SPARCL1: variants seen among roughly 807,000 people sequenced by gnomAD.
SPARCL1 encodes SPARC-like protein 1.
In SPARCL1, 52 loss-of-function variants were observed where a neutral mutation model predicts 67.1. That is an observed-to-expected ratio of 0.78 (90% CI 0.62 to 0.98). The LOEUF is 0.98. Ranked by LOEUF, SPARCL1 falls within the 50% of genes least tolerant of loss-of-function variation. The pLI is 0.00. For missense variants in SPARCL1, 717 were observed against 782.4 expected (o/e 0.92, Z 1.00); for synonymous variants, 226 against 267.8 (o/e 0.84, Z 1.52).
chr4:87,500,774 ACACACACGTACGCGCG>A (rs1215458475), intron 1 of SPARCL1, among the ~76,000 whole-genome samples: 1 of 152,028 alleles, frequency 6.6e-6, no homozygotes, highest in African/African-American at 2.4e-5. Flanking sequence ...CTATCACTTC[ACACACACGTACGCGCG>A]CACGCACATA....
Position 87,494,016 on chromosome 4 carries a change from C to G in SPARCL1, c.784G>C (p.Asp262His). The G allele has an allele frequency of 6.2e-7, 1 of 1,614,140 alleles. No individual in the cohort carries two copies. Among genetic ancestry groups the G allele is most frequent in the South Asian group, 1.1e-5 (1 of 91,068 alleles). Residue 262 changes from aspartate (D) to histidine (H), a missense_variant, in exon 4 of 11, where the codon GAT (aspartate) becomes CAT (histidine). Coordinates refer to ENST00000282470, the MANE Select transcript of SPARCL1 (RefSeq NM_004684.6). ...QVSKMQEDEF[D>H]QGNQEQEDNS... ...TCTTCTTGTTCTTGGTTACCCTGAT[C>G]AAATTCATCCTCCTGCATCTTGCTT...
chr4:87,474,651 C>A (rs1257211741), intron 10 of SPARCL1, among the ~76,000 whole-genome samples: 1 of 151,994 alleles, frequency 6.6e-6, no homozygotes, highest in Non-Finnish European at 1.5e-5. Flanking sequence ...TTTTACTAGA[C>A]CCTTCCATTA....
At position 87,473,724 on chromosome 4, in the gene SPARCL1, TG is replaced by T; in HGVS notation, c.*50del. On this transcript the variant is annotated 3_prime_UTR_variant, in exon 11 of 11. Coordinates refer to ENST00000282470, the MANE Select transcript of SPARCL1 (RefSeq NM_004684.6). ...ATCACAGCTGCATATATTTCTGAAG[TG>T]GTTAGAACAGAGGAGGATGCTGGAA... is the stretch of plus-strand genomic sequence containing the variant. 1.5e-6 allele frequency: 2 copies of T among 1,369,830 alleles called. No individual in the cohort carries two copies. The highest frequency in any genetic ancestry group is 2.0e-6 in the Non-Finnish European group (2 of 985,300). The allele number at this position is 1,369,830 out of a possible 1,614,324, so 84.9% of individuals were successfully genotyped here.
intron 5 of SPARCL1, among the ~76,000 whole-genome samples, chr4:87,491,217 G>A (rs2110225113): frequency 6.6e-6 from 1 of 152,100 alleles, no homozygotes; most frequent in South Asian, 2.1e-4. Flanking sequence ...TGTGCAAGCT[G>A]GTCAGAAGTG....
At chr4:87,484,006 C>A (rs887034025) in intron 7 of SPARCL1, among the ~76,000 whole-genome samples, 2 of 152,042 alleles carry the variant, frequency 1.3e-5, no homozygotes, top group Non-Finnish European at 2.9e-5. Context: ...TGACAGATTG[C>A]AAAAATTTTC....
intron 1 of SPARCL1, chr4:87,528,687 A>G (rs1297188036): frequency 6.6e-6 from 1 of 152,140 alleles, no homozygotes; most frequent in South Asian, 2.1e-4. Flanking sequence ...TACCTTCTTT[A>G]TAGTTTATTT....
Position 87,493,850 on chromosome 4 carries a change from G to A in SPARCL1, c.950C>T (p.Ser317Phe). The change falls in exon 4 of 11, where the codon TCT becomes TTT. Residue 317 changes from serine (S) to phenylalanine (F), a missense_variant. By Grantham distance (155) the Ser-to-Phe change is radical (BLOSUM62 -2). Coordinates refer to ENST00000282470, the MANE Select transcript of SPARCL1 (RefSeq NM_004684.6). ...AGTAGGTTCCATGAGCAGAGCCTCA[G>A]AAACAGTCTTTTCTTCTGTCTCTTT... is the stretch of plus-strand genomic sequence containing the variant. ...NHKETEEKTV[S>F]EALLMEPTDD... 5 of 1,614,136 alleles carry A rather than the reference G, an allele frequency of 3.1e-6. No individual in the cohort carries two copies. The highest frequency in any genetic ancestry group is 4.2e-6 in the Non-Finnish European group (5 of 1,180,026).
chr4:87,511,965 C>CTTTT (rs1560827173), intron 1 of SPARCL1, among the ~76,000 whole-genome samples: 1 of 82,032 alleles, frequency 1.2e-5, no homozygotes, highest in Non-Finnish European at 2.3e-5. Context: ...CTCTTTCTTT[C>CTTTT]TCTTTTTTTT....
intron 2 of SPARCL1, among the ~76,000 whole-genome samples, chr4:87,497,608 A>G (rs1724674177): frequency 1.3e-5 from 2 of 152,240 alleles, no homozygotes; most frequent in African/African-American, 4.8e-5. Context: ...AGGCAGGGAA[A>G]ATTATACAAA....
intron 1 of SPARCL1, among the ~76,000 whole-genome samples, chr4:87,510,298 G>A (rs1339735862): frequency 6.6e-6 from 1 of 152,216 alleles, no homozygotes; most frequent in East Asian, 1.9e-4. Context: ...GAAACTGTAG[G>A]CATACAGGGG....
chr4:87,473,855 T>C (rs769870881), intron 10 of SPARCL1, 52 bp from the exon 11 acceptor site: 2 of 1,261,688 alleles, frequency 1.6e-6, no homozygotes, highest in South Asian at 2.4e-5. Flanking sequence ...GCCAGAGTAG[T>C]AGCACAAACA....
intron 9 of SPARCL1, 126 bp from the exon 10 acceptor site, chr4:87,479,704 T>G (rs972819805): frequency 3.7e-6 from 3 of 814,648 alleles, no homozygotes; most frequent in Admixed American, 2.9e-5. Context: ...AGAATACAGA[T>G]AAAAACTGCC....
At chr4:87,492,389 A>C (rs1368875333) in intron 4 of SPARCL1, among the ~76,000 whole-genome samples, 10 of 150,896 alleles carry the variant, frequency 6.6e-5, no homozygotes, top group Non-Finnish European at 1.5e-4. Flanking sequence ...CTGCACTCCA[A>C]CCTGGGTGAA....
At position 87,500,783 on chromosome 4, in the gene SPARCL1, T is replaced by G. The variant is rs541881877; in HGVS notation, c.-11-1198A>C. Among the ~76,000 whole-genome samples, 508 of 104,938 alleles carry G rather than the reference T, an allele frequency of 4.8e-3. 5 individuals are homozygous for G. The highest frequency in any genetic ancestry group is 0.025 in the African/African-American group (484 of 19,518). The allele number at this position is 104,938 out of a possible 152,430, so 68.8% of individuals were successfully genotyped here. A position where few individuals can be genotyped will look rare whatever the true frequency, so the allele number is the denominator to read the frequency against. On this transcript the variant is annotated intron_variant, in intron 1 of 10. Transcript: ENST00000282470. Reference sequence around the variant, plus strand: ...CAACAACTATCACTTCACACACACGTACGCGCGCACGCACATACGCGCGCA... The same window carrying G: ...CAACAACTATCACTTCACACACACGGACGCGCGCACGCACATACGCGCGCA...
chr4:87,499,667 G>A, intron 1 of SPARCL1, 82 bp from the exon 2 acceptor site: 1 of 955,952 alleles, frequency 1.0e-6, no homozygotes, highest in Non-Finnish European at 1.6e-6. Flanking sequence ...CAAATACTGA[G>A]CTTGATATTG....
chr4:87,477,185 G>T (rs1361965933), intron 10 of SPARCL1, among the ~76,000 whole-genome samples: 2 of 152,180 alleles, frequency 1.3e-5, no homozygotes, highest in African/African-American at 4.8e-5. Context: ...CTTTGCAAAA[G>T]GAAGAATGAG....
chr4:87,506,824 T>TCTATCTATCTAC (rs1553970579), intron 1 of SPARCL1, among the ~76,000 whole-genome samples: 5 of 113,186 alleles, frequency 4.4e-5, no homozygotes, highest in Non-Finnish European at 1.0e-4. Flanking sequence ...TATCTATCTA[T>TCTATCTATCTAC]CTACCTACCT....
intron 2 of SPARCL1, chr4:87,497,292 G>A (rs1160053910): frequency 2.3e-6 from 2 of 888,752 alleles, no homozygotes; most frequent in Non-Finnish European, 2.7e-6. Flanking sequence ...TAAAGAAGGG[G>A]GAAAAGGAGA....
rs553604709 is a variant in SPARCL1, at chr4:87,525,298, A to T, written c.-12+3747T>A. 4.6e-5 allele frequency among the ~76,000 whole-genome samples: 7 copies of T among 152,326 alleles called. No individual in the cohort carries two copies. The East Asian group carries it at 1.3e-3, about 29-fold the overall frequency. ...ACTGTAATAAATGCCTTACATGCTC[A>T]ATCTCATTCAATTCCCATGACAATT... On this transcript the variant is annotated intron_variant, in intron 1 of 10. Coordinates refer to ENST00000282470, the MANE Select transcript of SPARCL1 (RefSeq NM_004684.6).
Sources: allele counts gnomAD v4.1 joint callset (sites outside exome capture counted in the v4.1 genomes callset), GRCh38; gene constraint gnomAD v4.1.1; transcripts MANE v1.5; gene names NCBI Gene and HGNC (gene_info 2026-07-23, HGNC 2026-07-21).